Variants in KANK1 observed in about 807,000 individuals in gnomAD.
The protein encoded by KANK1 is KN motif and ankyrin repeat domain-containing protein 1.
A neutral mutation model predicts 106.2 loss-of-function variants in KANK1; 109 were observed. The observed-to-expected ratio is 1.03, with a 90% CI of 0.88 to 1.20. KANK1 has a LOEUF of 1.20. Among genes scored for constraint, KANK1 ranks in the 50% most tolerant of loss-of-function variants. KANK1 has a pLI of 0.00. For synonymous variants in KANK1, 873 were observed against 652.2 expected (o/e 1.34, Z -5.16); for missense variants, 2,399 against 1,710.7 (o/e 1.40, Z -7.10).
chr9:710,730 A>G (rs1474047445), intron 2 of KANK1, 74 bp from the exon 3 acceptor site: 1 of 1,419,438 alleles, frequency 7.0e-7, no homozygotes, highest in Non-Finnish European at 9.5e-7. Context: ...GCTGTACTGC[A>G]ACAAACACAA....
At chr9:561,848 A>C (rs1816524713) in intron 1 of KANK1, among the ~76,000 whole-genome samples, 1 of 152,234 alleles carries the variant, frequency 6.6e-6, no homozygotes, top group Non-Finnish European at 1.5e-5. Flanking sequence ...TCTGTAACAG[A>C]GAAAATACTG....
At chr9:543,664 C>A (rs2060750406) in intron 1 of KANK1, among the ~76,000 whole-genome samples, 1 of 152,028 alleles carries the variant, frequency 6.6e-6, no homozygotes, top group African/African-American at 2.4e-5. Flanking sequence ...GACTTGTTCT[C>A]ATTTCACCAG....
chr9:712,677 G>A lies in KANK1; in HGVS notation c.1911G>A (p.Val637=), dbSNP rs771241158. Residue 637 remains valine, a synonymous_variant, in exon 3 of 12, where the codon GTG becomes GTA. Coordinates refer to ENST00000382297, the MANE Select transcript of KANK1 (RefSeq NM_015158.5). ...GTTGTGGAGATTGTTCTGTTGACGTGACCGTCTGCTCTCCAAAGGAGTGCG... is the reference window on the plus strand; with the variant it reads ...GTTGTGGAGATTGTTCTGTTGACGTAACCGTCTGCTCTCCAAAGGAGTGCG... ...SIGCGDCSVD[V]TVCSPKECAS... 1.2e-6 allele frequency: 2 copies of A among 1,614,112 alleles called. No homozygotes were observed. Among genetic ancestry groups the A allele is most frequent in the Admixed American group, 3.3e-5 (2 of 60,030 alleles).
chr9:512,311 G>A (rs541523770), intron 1 of KANK1, among the ~76,000 whole-genome samples: 1 of 151,758 alleles, frequency 6.6e-6, no homozygotes, highest in Non-Finnish European at 1.5e-5. Context: ...GTTTGGAGGC[G>A]GGCTAGTCCT....
intron 3 of KANK1, among the ~76,000 whole-genome samples, chr9:716,286 A>G (rs193122573): frequency 6.6e-4 from 100 of 152,354 alleles, no homozygotes; most frequent in Admixed American, 2.5e-3. Flanking sequence ...CAGTGAGTCA[A>G]TAGGAGTAAA....
chr9:534,708 A>G (rs2060216613), intron 1 of KANK1, among the ~76,000 whole-genome samples: 1 of 152,246 alleles, frequency 6.6e-6, no homozygotes, highest in Non-Finnish European at 1.5e-5. Flanking sequence ...GTAAAGAGAC[A>G]GAAAGGATCA....
intron 2 of KANK1, among the ~76,000 whole-genome samples, chr9:698,563 C>T (rs1821877764): frequency 6.6e-6 from 1 of 152,106 alleles, no homozygotes; most frequent in Non-Finnish European, 1.5e-5. Flanking sequence ...CAGCTCAGCC[C>T]AGAGTAGCTG....
intron 2 of KANK1, among the ~76,000 whole-genome samples, chr9:687,957 A>G (rs146336334): frequency 2.8e-4 from 42 of 152,332 alleles, no homozygotes; most frequent in African/African-American, 9.4e-4. Context: ...TAGAGTCAAC[A>G]GATTCAATGT....
At chr9:537,985 C>A (rs1479108067) in intron 1 of KANK1, among the ~76,000 whole-genome samples, 1 of 152,136 alleles carries the variant, frequency 6.6e-6, no homozygotes, top group African/African-American at 2.4e-5. Context: ...CCTGAGTAGG[C>A]TCAAACATTT....
intron 1 of KANK1, among the ~76,000 whole-genome samples, chr9:618,421 T>C (rs1019465391): frequency 1.3e-5 from 2 of 152,160 alleles, no homozygotes; most frequent in East Asian, 3.9e-4. Context: ...TCGGCCAGGC[T>C]GGTCTGAAAC....
At position 505,106 on chromosome 9, in the gene KANK1, A is replaced by T. The variant is rs1247915973; in HGVS notation, c.-84+352A>T. 2.0e-4 allele frequency among the ~76,000 whole-genome samples: 31 copies of T among 151,632 alleles called. No individual in the cohort carries two copies. The Middle Eastern group carries it at 0.01, about 50-fold the overall frequency. The stretch of plus-strand genomic sequence containing the variant: ...AGTTCGGGCCGGGCCGGCCGGCGGG[A>T]GGGTGCGGGCGCCTGGCTACCCCGG... On this transcript the variant is annotated intron_variant, in intron 1 of 11. Transcript: ENST00000382297.
upstream of KANK1, among the ~76,000 whole-genome samples, chr9:504,127 C>G (rs987407775): frequency 3.5e-4 from 54 of 152,252 alleles, no homozygotes; most frequent in African/African-American, 1.2e-3. Flanking sequence ...AGAGGAGGTA[C>G]AGAGGCGCTG....
intron 1 of KANK1, among the ~76,000 whole-genome samples, chr9:620,938 T>G (rs948761706): frequency 6.6e-6 from 1 of 152,166 alleles, no homozygotes; most frequent in Non-Finnish European, 1.5e-5. Context: ...AAATTCCAGA[T>G]TGGAAATTAG....
At chr9:508,894 T>C (rs1248911868) in intron 1 of KANK1, among the ~76,000 whole-genome samples, 1 of 152,198 alleles carries the variant, frequency 6.6e-6, no homozygotes, top group Non-Finnish European at 1.5e-5. Flanking sequence ...CCAATACAAA[T>C]GTGTACATTT....
intron 3 of KANK1, among the ~76,000 whole-genome samples, chr9:725,449 C>T (rs12686200): frequency 0.073 from 10,818 of 148,850 alleles, 938 homozygotes; most frequent in African/African-American, 0.19. Context: ...ACTGAGATCA[C>T]GCCACAGCCC....
chr9:593,074 G>A (rs542092579), intron 1 of KANK1, among the ~76,000 whole-genome samples: 89 of 151,848 alleles, frequency 5.9e-4, no homozygotes, highest in Non-Finnish European at 9.9e-4. Context: ...AGACAATCTT[G>A]TTTTAGATAA....
At chr9:580,070 G>C (rs938425018) in intron 1 of KANK1, among the ~76,000 whole-genome samples, 88 of 152,138 alleles carry the variant, frequency 5.8e-4, no homozygotes, top group African/African-American at 2.1e-3. Context: ...TCCGAAGTTT[G>C]TTCCTTCTGA....
intron 3 of KANK1, among the ~76,000 whole-genome samples, chr9:491,357 T>A (rs1259782654): frequency 6.6e-6 from 1 of 150,556 alleles, no homozygotes; most frequent in Middle Eastern, 3.2e-3. Context: ...AACCTCCGCC[T>A]CCCGGGTTCA....
Position 738,510 on chromosome 9 carries a change from T to G in KANK1, c.3553+6T>G. On this transcript the variant is annotated splice_donor_region_variant and intron_variant, in intron 8 of 11. Transcript: ENST00000382297. ...GAAGCTGCTGTTAGATGCCGGTATG[T>G]TGGCTGCCCTTCCACCCTCTCTTCT... 1 of 1,609,022 alleles carries G rather than the reference T, an allele frequency of 6.2e-7. No homozygotes were observed. The highest frequency in any genetic ancestry group is 2.2e-5 in the East Asian group (1 of 44,852).
Sources: allele counts gnomAD v4.1 joint callset (sites outside exome capture counted in the v4.1 genomes callset), GRCh38; gene constraint gnomAD v4.1.1; transcripts MANE v1.5; gene names NCBI Gene and HGNC (gene_info 2026-07-23, HGNC 2026-07-21).